Variants in TREM1 observed in about 807,000 individuals in gnomAD.
TREM1 encodes triggering receptor expressed on monocytes 1.
TREM1 carries 16 observed loss-of-function variants against 22.4 expected under a neutral mutation model. The observed-to-expected ratio is 0.71, with a 90% CI of 0.48 to 1.08. TREM1 has a LOEUF of 1.08. TREM1 is among the 50% of genes least tolerant of loss of function. The pLI is 0.00. For missense variants in TREM1, 283 were observed against 282.9 expected (o/e 1.00, Z 0.00); for synonymous variants, 110 against 111.6 (o/e 0.99, Z 0.09).
At position 41,281,171 on chromosome 6, in the gene TREM1, G is replaced by A. The variant is rs1485427297; in HGVS notation, c.407-18C>T. On this transcript the variant is annotated intron_variant, in intron 2 of 3. Coordinates refer to ENST00000244709, the MANE Select transcript of TREM1 (RefSeq NM_018643.5). Reference sequence around the variant, plus strand: ...TGAAAAACCTGCAAGAAGACACATTGGATGGATGGATGGACAGATGGATGA... The same window carrying A: ...TGAAAAACCTGCAAGAAGACACATTAGATGGATGGATGGACAGATGGATGA... 3 of 1,608,644 alleles carry A rather than the reference G, an allele frequency of 1.9e-6. No individual in the cohort carries two copies. The South Asian group carries it at 3.3e-5, about 18-fold the overall frequency.
downstream of TREM1, among the ~76,000 whole-genome samples, chr6:41,267,573 G>A (rs778093517): frequency 2.6e-5 from 4 of 152,102 alleles, no homozygotes; most frequent in Non-Finnish European, 5.9e-5. Flanking sequence ...TGCAGCTCAG[G>A]ATGAAGGTAG....
chr6:41,280,056 A>G (rs896639094), intron 3 of TREM1: 2 of 967,758 alleles, frequency 2.1e-6, no homozygotes, highest in African/African-American at 3.5e-5. Context: ...TTTAGGTAGC[A>G]GCATCAAAGA....
chr6:41,267,391 A>G (rs1767361057), downstream of TREM1, among the ~76,000 whole-genome samples: 1 of 152,252 alleles, frequency 6.6e-6, no homozygotes, highest in Non-Finnish European at 1.5e-5. Flanking sequence ...TAGATAATGC[A>G]GAAGTTTCAG....
chr6:41,286,611 G>A lies in TREM1; in HGVS notation c.45C>T (p.Val15=), dbSNP rs1466805145. The A allele has an allele frequency of 6.2e-7, 1 of 1,613,928 alleles. No homozygotes were observed. ...RLWGLLWMLF[V]SELRAATKLT... ...CAGTCCTCTTCCTTGTCTTACCTGA[G>A]ACAAAGAGCATCCACAGCAGCCCCC... Residue 15 remains valine (V), a synonymous_variant, in exon 1 of 4, where the codon GTC becomes GTT. Coordinates refer to ENST00000244709, the MANE Select transcript of TREM1 (RefSeq NM_018643.5).
At chr6:41,286,053 C>T (rs1184604547) in intron 1 of TREM1, among the ~76,000 whole-genome samples, 1 of 152,196 alleles carries the variant, frequency 6.6e-6, no homozygotes, top group Non-Finnish European at 1.5e-5. Context: ...CTGGGGCATG[C>T]GCCGGCTCTG....
At chr6:41,279,727 A>G in intron 3 of TREM1, 2 of 985,466 alleles carry the variant, frequency 2.0e-6, no homozygotes, top group Non-Finnish European at 2.4e-6. Context: ...TTAATGATTT[A>G]AAAGACTAAA....
downstream of TREM1, among the ~76,000 whole-genome samples, chr6:41,270,873 CT>C (rs762045484): frequency 1.3e-5 from 2 of 152,132 alleles, no homozygotes; most frequent in Non-Finnish European, 2.9e-5. Context: ...GTCCAGCTAA[CT>C]TTTTGTTCTT....
At chr6:41,284,175 C>G (rs892126595) in intron 1 of TREM1, among the ~76,000 whole-genome samples, 3 of 152,162 alleles carry the variant, frequency 2.0e-5, no homozygotes, top group African/African-American at 7.2e-5. Context: ...CGCCACAACT[C>G]TCCCTGAAAC....
chr6:41,275,812 C>T lies in TREM1; in HGVS notation c.*313G>A. The T allele has an allele frequency of 2.6e-6, 1 of 377,516 alleles. No individual in the cohort carries two copies. 23.4% of individuals were successfully genotyped at this position (377,516 alleles called of 1,614,324 possible). Reference sequence around the variant, plus strand: ...GGTGTGCCTTCTGCATGTCACAGCCCCCACAAGAGAATTACGGTGAAAAGC... The same window carrying T: ...GGTGTGCCTTCTGCATGTCACAGCCTCCACAAGAGAATTACGGTGAAAAGC... On this transcript the variant is annotated 3_prime_UTR_variant, in exon 4 of 4. Coordinates refer to ENST00000244709, the MANE Select transcript of TREM1 (RefSeq NM_018643.5).
chr6:41,281,123 T>C lies in TREM1; in HGVS notation c.437A>G (p.Asn146Ser). 6.2e-7 allele frequency: 1 copy of C among 1,614,114 alleles called. No homozygotes were observed. Among genetic ancestry groups the C allele is most frequent in the East Asian group, 2.2e-5 (1 of 44,870 alleles). Residue 146 changes from asparagine (N) to serine (S), a missense_variant, in exon 3 of 4, where the codon AAT becomes AGT. Transcript: ENST00000244709. ...GFSGTPGSNENSTQNVYKIPP... is the reference protein window; with the variant it reads ...GFSGTPGSNESSTQNVYKIPP... ...AATCTTATACACATTCTGGGTAGAA[T>C]TCTCATTGGAGCCAGGGGTCCCTGA... is the stretch of plus-strand genomic sequence containing the variant.
At position 41,275,933 on chromosome 6, in the gene TREM1, G is replaced by T. The variant is rs1463179566; in HGVS notation, c.*192C>A. On this transcript the variant is annotated 3_prime_UTR_variant, in exon 4 of 4. Transcript: ENST00000244709. ...GTAACTTCTTTTCTGAGGCACAAAT[G>T]CCCACCCAAGATTATTAGAGGAACG... is the stretch of plus-strand genomic sequence containing the variant. 2 of 587,406 alleles carry T rather than the reference G, an allele frequency of 3.4e-6. No homozygotes were observed. Among genetic ancestry groups the T allele is most frequent in the Non-Finnish European group, 6.1e-6 (2 of 328,684 alleles). 36.4% of individuals were successfully genotyped at this position (587,406 alleles called of 1,614,324 possible). A position where few individuals can be genotyped will look rare whatever the true frequency, so the allele number is the denominator to read the frequency against.
exon 4 of TREM1, chr6:41,267,955 T>C: frequency 2.5e-6 from 1 of 398,666 alleles, no homozygotes; most frequent in Non-Finnish European, 4.4e-6. Flanking sequence ...GGTTTTCCTT[T>C]ATAACATGAA....
chr6:41,272,149 G>A (rs1420367803), downstream of TREM1, among the ~76,000 whole-genome samples: 2 of 152,148 alleles, frequency 1.3e-5, no homozygotes, highest in Non-Finnish European at 2.9e-5. Flanking sequence ...GAACAGCTCA[G>A]GAAGATGCAG....
chr6:41,276,074 G>T lies in TREM1; in HGVS notation c.*51C>A. ...TCCTCCCTCCTCCCTTGGCACAACT[G>T]CCAGATGGATGTGGCTGGAAGTCAG... On this transcript the variant is annotated 3_prime_UTR_variant, in exon 4 of 4. Coordinates refer to ENST00000244709, the MANE Select transcript of TREM1 (RefSeq NM_018643.5). 1.4e-6 allele frequency: 2 copies of T among 1,421,912 alleles called. No homozygotes were observed. The highest frequency in any genetic ancestry group is 2.0e-6 in the Non-Finnish European group (2 of 1,004,958). The allele number at this position is 1,421,912 out of a possible 1,614,324, so 88.1% of individuals were successfully genotyped here.
At chr6:41,283,308 TGG>T (rs1768012166) in intron 1 of TREM1, among the ~76,000 whole-genome samples, 1 of 152,150 alleles carries the variant, frequency 6.6e-6, no homozygotes, top group Admixed American at 6.5e-5. Flanking sequence ...TTCCCTTCCT[TGG>T]GTAGCAGAGC....
In TREM1 at chr6:41,282,522, A is replaced by G; in HGVS notation, c.279T>C (p.His93=). Residue 93 remains histidine (H), a synonymous_variant, in exon 2 of 4, where the codon CAT becomes CAC. Transcript: ENST00000244709. ...GRIILEDYHD[H]GLLRVRMVNL... is the part of the protein sequence containing the mutation. ...TGACCATTCGGACGCGCAGTAAACCATGATCATGGTAGTCTTCTAGTATGA... is the reference window on the plus strand; with the variant it reads ...TGACCATTCGGACGCGCAGTAAACCGTGATCATGGTAGTCTTCTAGTATGA... 2 of 1,614,168 alleles carry G rather than the reference A, an allele frequency of 1.2e-6. No individual in the cohort carries two copies. The highest frequency in any genetic ancestry group is 8.5e-7 in the Non-Finnish European group (1 of 1,180,036).
downstream of TREM1, among the ~76,000 whole-genome samples, chr6:41,271,269 CA>C (rs1248306097): frequency 1.3e-5 from 2 of 152,182 alleles, no homozygotes; most frequent in African/African-American, 4.8e-5. Context: ...AAGGGCTTTC[CA>C]TACATCCACT....
intron 2 of TREM1, 73 bp from the exon 3 acceptor site, chr6:41,281,226 G>A: frequency 6.8e-7 from 1 of 1,472,440 alleles, no homozygotes. Flanking sequence ...GTGAATGGAT[G>A]TATGGATGTA....
intron 3 of TREM1, among the ~76,000 whole-genome samples, chr6:41,268,519 T>C (rs1055144943): frequency 6.6e-6 from 1 of 152,186 alleles, no homozygotes; most frequent in Non-Finnish European, 1.5e-5. Context: ...GGGCCAACTT[T>C]GCTACATGTG....
Sources: gnomAD v4.1 joint callset for allele counts (sites outside exome capture counted in the v4.1 genomes callset) on GRCh38, gnomAD v4.1.1 for gene constraint, MANE v1.5 for transcripts, NCBI Gene and HGNC (gene_info 2026-07-23, HGNC 2026-07-21) for gene names.